PHLDB2: variants seen among roughly 807,000 people sequenced by gnomAD.
PHLDB2 encodes the protein pleckstrin homology-like domain family B member 2.
In PHLDB2, 71 loss-of-function variants were observed where a neutral mutation model predicts 123.6. That is an observed-to-expected ratio of 0.57 (90% CI 0.47 to 0.70). PHLDB2 has a LOEUF of 0.70. PHLDB2 is among the 30% of genes least tolerant of loss of function. The pLI, the probability that PHLDB2 is intolerant of heterozygous loss-of-function variation, is 0.00. For synonymous variants in PHLDB2, 547 were observed against 541.6 expected (o/e 1.01, Z -0.14); for missense variants, 1,446 against 1,519.5 (o/e 0.95, Z 0.80).
At chr3:111,929,743 C>T (rs1021478300) in intron 5 of PHLDB2, among the ~76,000 whole-genome samples, 1 of 152,108 alleles carries the variant, frequency 6.6e-6, no homozygotes, top group African/African-American at 2.4e-5. Context: ...TTTGGCCCCA[C>T]TGAGCTTTTG....
At chr3:111,859,740 G>A (rs1029362331) in intron 1 of PHLDB2, 164 bp downstream of exon 1, 6 of 985,468 alleles carry the variant, frequency 6.1e-6, no homozygotes. Context: ...CCGGGCCGAG[G>A]AGGGGCGCGC....
At chr3:111,895,705 C>T (rs1441417169) in intron 2 of PHLDB2, among the ~76,000 whole-genome samples, 1 of 152,108 alleles carries the variant, frequency 6.6e-6, no homozygotes, top group Non-Finnish European at 1.5e-5. Flanking sequence ...CAAAATTAGC[C>T]AGGCGTGGTG....
At chr3:111,926,932 AT>A (rs148912688) in intron 5 of PHLDB2, among the ~76,000 whole-genome samples, 1,792 of 152,280 alleles carry the variant, frequency 0.012, 43 homozygotes, top group African/African-American at 0.04. Context: ...CCTCTATGAA[AT>A]TTCAGAATAT....
intron 1 of PHLDB2, among the ~76,000 whole-genome samples, chr3:111,825,979 A>G (rs1013587091): frequency 2.0e-5 from 3 of 151,768 alleles, no homozygotes; most frequent in Admixed American, 1.3e-4. Flanking sequence ...TATTTTTGTC[A>G]TTTTTCCTTA....
At chr3:111,806,370 T>C (rs1263888067) in intron 1 of PHLDB2, among the ~76,000 whole-genome samples, 3 of 152,202 alleles carry the variant, frequency 2.0e-5, no homozygotes, top group Non-Finnish European at 2.9e-5. Context: ...TCTGTCTCTA[T>C]AGTTTTGCCT....
intron 12 of PHLDB2, chr3:111,960,070 G>C: frequency 2.0e-6 from 1 of 491,216 alleles, no homozygotes; most frequent in South Asian, 9.0e-5. Flanking sequence ...GAAAATATAC[G>C]TGTGTGAGCT....
At position 111,885,425 on chromosome 3, in the gene PHLDB2, T is replaced by C; in HGVS notation, c.1335+13T>C. On this transcript the variant is annotated intron_variant, in intron 2 of 17. Transcript: ENST00000431670. ...AATGGAGCGATTGGTAATCTTCATC[T>C]CAACAGTGATTGACCTCACTGTTTC... 6.2e-7 allele frequency: 1 copy of C among 1,613,892 alleles called. No homozygotes were observed.
exon 1 of PHLDB2, chr3:111,732,662 A>G: frequency 6.5e-7 from 1 of 1,535,878 alleles, no homozygotes; most frequent in African/African-American, 1.4e-5. Context: ...GAGTCAGGAA[A>G]GAAGCTGAGG....
chr3:111,836,536 A>G (rs2063406503), intron 1 of PHLDB2, among the ~76,000 whole-genome samples: 2 of 152,174 alleles, frequency 1.3e-5, no homozygotes, highest in South Asian at 4.1e-4. Flanking sequence ...AGGGCTTAGG[A>G]AGCCATGAAC....
chr3:111,773,819 G>A (rs530175676), intron 1 of PHLDB2, among the ~76,000 whole-genome samples: 1 of 152,244 alleles, frequency 6.6e-6, no homozygotes, highest in East Asian at 1.9e-4. Flanking sequence ...AGGTCTTATT[G>A]GATCTTTATT....
intron 2 of PHLDB2, among the ~76,000 whole-genome samples, chr3:111,903,751 T>C (rs986026346): frequency 1.3e-5 from 2 of 152,204 alleles, no homozygotes; most frequent in African/African-American, 4.8e-5. Context: ...ACCTTTAGAC[T>C]TGAAAGCACA....
chr3:111,848,125 T>C (rs2064086210), intron 2 of PHLDB2, among the ~76,000 whole-genome samples: 1 of 152,176 alleles, frequency 6.6e-6, no homozygotes, highest in African/African-American at 2.4e-5. Context: ...CCTTCCTTCT[T>C]TCTTGTACTG....
chr3:111,757,676 GCT>G (rs1471471179), intron 1 of PHLDB2, among the ~76,000 whole-genome samples: 2 of 152,130 alleles, frequency 1.3e-5, no homozygotes, highest in African/African-American at 4.8e-5. Context: ...CAGTTTTTCT[GCT>G]CTGTTTTTTC....
chr3:111,841,644 G>C (rs1019852561), intron 1 of PHLDB2, among the ~76,000 whole-genome samples: 2 of 152,184 alleles, frequency 1.3e-5, no homozygotes, highest in African/African-American at 4.8e-5. Flanking sequence ...TAAGTGCTCT[G>C]AACATCAGGA....
intron 3 of PHLDB2, chr3:111,915,079 T>A (rs1156296288): frequency 6.6e-6 from 1 of 152,186 alleles, no homozygotes; most frequent in African/African-American, 2.4e-5. Context: ...GCAGATATGA[T>A]ATTCACAAGG....
At chr3:111,789,199 T>C (rs2060812662) in intron 1 of PHLDB2, among the ~76,000 whole-genome samples, 1 of 152,238 alleles carries the variant, frequency 6.6e-6, no homozygotes, top group South Asian at 2.1e-4. Flanking sequence ...ATTATGCCTG[T>C]TGCTCAAGGT....
In PHLDB2 at chr3:111,913,464, T is replaced by G. The variant is rs761816941; in HGVS notation, c.1481T>G (p.Val494Gly). Reference protein sequence around the residue: ...EKLQLSDEESVFEEALMSPDT... With the variant: ...EKLQLSDEESGFEEALMSPDT... Reference sequence around the variant, plus strand: ...CTGCAGCTCTCTGATGAGGAGTCTGTGTTTGAGGAAGCCCTCATGAGCCCT... The same window carrying G: ...CTGCAGCTCTCTGATGAGGAGTCTGGGTTTGAGGAAGCCCTCATGAGCCCT... Residue 494 changes from valine (V) to glycine (G), a missense_variant, in exon 3 of 18, where the codon GTG becomes GGG. By Grantham distance (109) the Val-to-Gly change is moderately radical. This residue lies in a region of PHLDB2 where 832 missense variants were observed against 831.9 expected (regional missense o/e 1.00). Coordinates refer to ENST00000431670, the MANE Select transcript of PHLDB2 (RefSeq NM_001134438.2). 6.2e-7 allele frequency: 1 copy of G among 1,614,094 alleles called. No homozygotes were observed. Among genetic ancestry groups the G allele is most frequent in the South Asian group, 1.1e-5 (1 of 91,066 alleles).
At chr3:111,748,862 C>T (rs964969679) in intron 1 of PHLDB2, among the ~76,000 whole-genome samples, 1 of 151,964 alleles carries the variant, frequency 6.6e-6, no homozygotes, top group Non-Finnish European at 1.5e-5. Flanking sequence ...GTTTGCAAGT[C>T]GGGATACTTA....
chr3:111,973,364 AT>A (rs1337533016), intron 16 of PHLDB2, among the ~76,000 whole-genome samples: 10 of 152,168 alleles, frequency 6.6e-5, no homozygotes. Flanking sequence ...ACATATTAAT[AT>A]TTTCATTACA....
Sources: allele counts gnomAD v4.1 joint callset (sites outside exome capture counted in the v4.1 genomes callset), GRCh38; gene constraint gnomAD v4.1.1; regional missense constraint gnomAD v4.1.1; transcripts MANE v1.5; gene names NCBI Gene and HGNC (gene_info 2026-07-23, HGNC 2026-07-21).